Variants in GPR89A observed in about 807,000 individuals in gnomAD.
GPR89A encodes golgi pH regulator A.
A neutral mutation model predicts 52.0 loss-of-function variants in GPR89A; 16 were observed. The ratio of observed to expected loss-of-function variants is 0.31; its 90% confidence interval spans 0.21 to 0.47. The LOEUF is 0.47. GPR89A is among the 20% of genes least tolerant of loss of function. The pLI, the probability that GPR89A is intolerant of heterozygous loss-of-function variation, is 1.00. For missense variants in GPR89A, 135 were observed against 449.4 expected, an observed-to-expected ratio of 0.30 and a Z score of 6.33; for synonymous variants, 55 against 150.9, an observed-to-expected ratio of 0.36 and a Z score of 4.66.
At chr1:145,642,280 C>G (rs1650703991) in intron 7 of GPR89A, among the ~76,000 whole-genome samples, 1 of 152,104 alleles carries the variant, frequency 6.6e-6, no homozygotes, top group Non-Finnish European at 1.5e-5. Flanking sequence ...GAATAGAACC[C>G]TTGCCTTCTT....
intron 10 of GPR89A, 150 bp from the exon 11 acceptor site, chr1:145,663,179 A>G: frequency 1.7e-6 from 2 of 1,210,638 alleles, no homozygotes. Context: ...TAGATTTCCT[A>G]TATATGATTT....
intron 7 of GPR89A, among the ~76,000 whole-genome samples, chr1:145,641,542 C>G (rs1650655427): frequency 6.6e-6 from 1 of 151,088 alleles, no homozygotes; most frequent in Non-Finnish European, 1.5e-5. Flanking sequence ...CATTATGAAT[C>G]TACAATTATT....
At chr1:145,615,622 C>CT (rs1648624887) in intron 1 of GPR89A, among the ~76,000 whole-genome samples, 1 of 36,774 alleles carries the variant, frequency 2.7e-5, no homozygotes, top group Non-Finnish European at 5.1e-5. Flanking sequence ...AAGTCTCACT[C>CT]TGACACCTTT....
chr1:145,613,107 A>G (rs1181345695), intron 1 of GPR89A, among the ~76,000 whole-genome samples: 1 of 151,292 alleles, frequency 6.6e-6, no homozygotes, highest in Non-Finnish European at 1.5e-5. Context: ...TATTCCAGAT[A>G]CTTGCTGGAT....
intron 7 of GPR89A, among the ~76,000 whole-genome samples, chr1:145,641,707 T>C (rs1650665842): frequency 6.6e-6 from 1 of 152,088 alleles, no homozygotes; most frequent in African/African-American, 2.4e-5. Context: ...CATATGTTTT[T>C]CCATATTAGG....
At position 145,663,420 on chromosome 1, in the gene GPR89A, T is replaced by C. The variant is rs2101840537; in HGVS notation, c.1001T>C (p.Phe334Ser). 6.2e-7 allele frequency: 1 copy of C among 1,610,726 alleles called. No individual in the cohort carries two copies. Among genetic ancestry groups the C allele is most frequent in the Non-Finnish European group, 8.5e-7 (1 of 1,179,108 alleles). Residue 334 changes from phenylalanine (F) to serine (S), a missense_variant, in exon 11 of 14, where the codon TTT becomes TCT. By Grantham distance (155) the Phe-to-Ser change is radical. This residue lies in a region of GPR89A where 28 missense variants were observed against 61.6 expected (regional missense o/e 0.45). Coordinates refer to ENST00000313835, the MANE Select transcript of GPR89A (RefSeq NM_001097612.2). Reference protein sequence around the residue: ...EITVNYLGIQFDVKFWSQHIS... With the variant: ...EITVNYLGIQSDVKFWSQHIS... ...ACTGTGAATTATCTGGGAATCCAAT[T>C]TGATGTAAGTGTTATATCAAGATCC...
intron 12 of GPR89A, among the ~76,000 whole-genome samples, chr1:145,668,114 A>G (rs1209514091): frequency 6.6e-6 from 1 of 152,144 alleles, no homozygotes; most frequent in Non-Finnish European, 1.5e-5. Context: ...GAAGAAAGTC[A>G]TTGGTAGCTT....
intron 7 of GPR89A, among the ~76,000 whole-genome samples, chr1:145,641,434 T>C (rs1273031517): frequency 9.9e-5 from 15 of 151,508 alleles, no homozygotes; most frequent in Non-Finnish European, 5.9e-5. Flanking sequence ...ACTCTATCAA[T>C]GTCAGTATCC....
At chr1:145,663,090 T>C (rs1411990236) in intron 10 of GPR89A, among the ~76,000 whole-genome samples, 1 of 152,178 alleles carries the variant, frequency 6.6e-6, no homozygotes, top group East Asian at 1.9e-4. Context: ...TGCCGTAGCT[T>C]TATTCCCATT....
At chr1:145,663,703 C>G (rs587724518) in intron 11 of GPR89A, among the ~76,000 whole-genome samples, 6 of 152,284 alleles carry the variant, frequency 3.9e-5, no homozygotes, top group Non-Finnish European at 8.8e-5. Context: ...ACAGCTGCTC[C>G]TCTGCTTCTC....
At chr1:145,617,483 T>C (rs745849709) in intron 2 of GPR89A, among the ~76,000 whole-genome samples, 17 of 151,802 alleles carry the variant, frequency 1.1e-4, no homozygotes, top group Non-Finnish European at 2.2e-4. Context: ...GATGACGGGA[T>C]TAAGAGATTA....
chr1:145,640,177 A>G (rs1241131717), intron 7 of GPR89A, among the ~76,000 whole-genome samples: 38 of 142,636 alleles, frequency 2.7e-4, no homozygotes, highest in African/African-American at 9.1e-4. Context: ...GAGATCCGCC[A>G]TTGCCCTCCA....
intron 11 of GPR89A, 113 bp from the exon 12 acceptor site, chr1:145,665,449 T>C (rs1652490950): frequency 7.1e-7 from 1 of 1,412,388 alleles, no homozygotes. Flanking sequence ...AAAAATCAGG[T>C]AGGGTCTAAT....
intron 8 of GPR89A, 94 bp downstream of exon 8, chr1:145,644,072 C>T: frequency 1.4e-5 from 1 of 73,658 alleles, no homozygotes; most frequent in Non-Finnish European, 2.3e-5. Flanking sequence ...TCTAAGGTAC[C>T]TGACTACATC....
At chr1:145,642,326 A>G (rs1650706281) in intron 7 of GPR89A, among the ~76,000 whole-genome samples, 1 of 152,112 alleles carries the variant, frequency 6.6e-6, no homozygotes. Context: ...CTATGAAAAT[A>G]TAAAAACCTA....
chr1:145,626,755 G>T (rs1437393618), intron 5 of GPR89A, among the ~76,000 whole-genome samples: 2 of 151,632 alleles, frequency 1.3e-5, no homozygotes, highest in Non-Finnish European at 2.9e-5. Context: ...TTAGAGACCA[G>T]CCTGGCCAAC....
At chr1:145,640,109 C>G (rs1650540215) in intron 7 of GPR89A, among the ~76,000 whole-genome samples, 1 of 150,792 alleles carries the variant, frequency 6.6e-6, no homozygotes, top group African/African-American at 2.4e-5. Context: ...ATCCCAGCTA[C>G]TGGAGAGGCT....
At chr1:145,660,470 T>G (rs58859256) in intron 10 of GPR89A, among the ~76,000 whole-genome samples, 5,462 of 151,628 alleles carry the variant, frequency 0.036, 299 homozygotes, top group African/African-American at 0.12. Flanking sequence ...CTAATTAAAC[T>G]AAAGAGCTTC....
chr1:145,627,645 G>T (rs1307429046), intron 5 of GPR89A, among the ~76,000 whole-genome samples: 2 of 152,188 alleles, frequency 1.3e-5, no homozygotes, highest in Non-Finnish European at 2.9e-5. Context: ...CCCTGAAATT[G>T]ATAGTCTTGT....
Sources: allele counts gnomAD v4.1 joint callset (sites outside exome capture counted in the v4.1 genomes callset), GRCh38; gene constraint gnomAD v4.1.1; regional missense constraint gnomAD v4.1.1; transcripts MANE v1.5; gene names NCBI Gene and HGNC (gene_info 2026-07-23, HGNC 2026-07-21).